Variants in HMGA2 observed in about 807,000 individuals in gnomAD.
The protein encoded by HMGA2 is high mobility group AT-hook 2, also known as high mobility group protein HMGI-C.
A neutral mutation model predicts 19.1 loss-of-function variants in HMGA2; 8 were observed. The observed-to-expected ratio is 0.42, with a 90% confidence interval of 0.25 to 0.76. HMGA2 has a LOEUF of 0.76. Among genes scored for constraint, HMGA2 ranks in the 30% least tolerant of loss-of-function variants. HMGA2 has a pLI of 0.28. For missense variants in HMGA2, 109 were observed against 136.3 expected (o/e 0.80, Z 1.00); for synonymous variants, 60 against 48.8 (o/e 1.23, Z -0.96).
intron 3 of HMGA2, among the ~76,000 whole-genome samples, chr12:65,931,551 T>TTGTG (rs60877869): frequency 0.15 from 20,944 of 144,010 alleles, 1,377 homozygotes; most frequent in South Asian, 0.21. Context: ...TTATAGATGT[T>TTGTG]TGTGTGTGTG....
At chr12:65,901,069 C>A (rs910461760) in intron 3 of HMGA2, among the ~76,000 whole-genome samples, 1 of 152,128 alleles carries the variant, frequency 6.6e-6, no homozygotes, top group Non-Finnish European at 1.5e-5. Context: ...CCATTTCTTT[C>A]CAGCTCTGTG....
intron 2 of HMGA2, chr12:65,828,397 CAATT>C (rs949495993): frequency 3.5e-5 from 12 of 343,548 alleles, no homozygotes; most frequent in Non-Finnish European, 6.1e-5. Flanking sequence ...GAAAATGACA[CAATT>C]AATATTTGCA....
chr12:65,846,958 C>T (rs1044320195), intron 3 of HMGA2, among the ~76,000 whole-genome samples: 1 of 152,084 alleles, frequency 6.6e-6, no homozygotes, highest in Non-Finnish European at 1.5e-5. Flanking sequence ...ATTTTGAGCT[C>T]TTTAGAATTT....
At chr12:65,868,447 C>T (rs1565714535) in intron 3 of HMGA2, among the ~76,000 whole-genome samples, 1 of 152,052 alleles carries the variant, frequency 6.6e-6, no homozygotes, top group African/African-American at 2.4e-5. Flanking sequence ...ATGCAGTCCA[C>T]TACGATCGTG....
chr12:65,954,824 A>G (rs1876560073), intron 4 of HMGA2: 2 of 152,198 alleles, frequency 1.3e-5, no homozygotes, highest in South Asian at 4.1e-4. Context: ...TAAAATTCCA[A>G]AACCAATGAA....
chr12:65,831,950 G>A (rs1057038670), intron 2 of HMGA2, among the ~76,000 whole-genome samples: 15 of 151,832 alleles, frequency 9.9e-5, no homozygotes, highest in Admixed American at 6.6e-4. Flanking sequence ...TCTGGCCTAT[G>A]GTTTCTAAAT....
At chr12:65,914,934 C>T (rs1386788296) in intron 3 of HMGA2, 1 of 1,376,878 alleles carries the variant, frequency 7.3e-7, no homozygotes, top group Non-Finnish European at 1.0e-6. Flanking sequence ...CTTGGCCTCT[C>T]AAAGTGCTGG....
chr12:65,865,729 G>A (rs1872368145), intron 3 of HMGA2, among the ~76,000 whole-genome samples: 1 of 149,704 alleles, frequency 6.7e-6, no homozygotes, highest in Non-Finnish European at 1.5e-5. Context: ...CCGTCTCCCA[G>A]GTTCACACCA....
At chr12:65,940,452 T>G (rs536601864) in intron 3 of HMGA2, among the ~76,000 whole-genome samples, 2 of 152,342 alleles carry the variant, frequency 1.3e-5, no homozygotes, top group East Asian at 1.9e-4. Flanking sequence ...TGAACTAAGA[T>G]CTTTTAAATT....
At chr12:65,931,551 T>TTG (rs60877869) in intron 3 of HMGA2, among the ~76,000 whole-genome samples, 11,719 of 144,122 alleles carry the variant, frequency 0.081, 521 homozygotes, top group African/African-American at 0.15. Flanking sequence ...TTATAGATGT[T>TTG]TGTGTGTGTG....
chr12:65,837,366 GT>G (rs1302872398), intron 2 of HMGA2, among the ~76,000 whole-genome samples: 1 of 152,216 alleles, frequency 6.6e-6, no homozygotes, highest in East Asian at 1.9e-4. Flanking sequence ...AAAGCTATTT[GT>G]TTTTACCAGG....
At chr12:65,902,855 T>C (rs1874429226) in intron 3 of HMGA2, among the ~76,000 whole-genome samples, 1 of 152,166 alleles carries the variant, frequency 6.6e-6, no homozygotes, top group East Asian at 1.9e-4. Context: ...CTCACTCTCC[T>C]CTTGTCCCAT....
chr12:65,960,425 T>C (rs1455937219), intron 4 of HMGA2, among the ~76,000 whole-genome samples: 1 of 152,218 alleles, frequency 6.6e-6, no homozygotes, highest in Non-Finnish European at 1.5e-5. Flanking sequence ...GGGAGGATTT[T>C]TCTTCTCTTC....
chr12:65,841,381 C>G (rs975344967), intron 3 of HMGA2, among the ~76,000 whole-genome samples: 2 of 152,062 alleles, frequency 1.3e-5, no homozygotes, highest in African/African-American at 2.4e-5. Flanking sequence ...GATTTGGTCC[C>G]CAAAGAAGAG....
At chr12:65,920,453 A>G (rs918915829) in intron 3 of HMGA2, among the ~76,000 whole-genome samples, 1 of 152,208 alleles carries the variant, frequency 6.6e-6, no homozygotes, top group African/African-American at 2.4e-5. Context: ...TTTAGGTGCA[A>G]TTCTCCTATT....
intron 2 of HMGA2, among the ~76,000 whole-genome samples, chr12:65,838,140 AAT>A (rs1392845815): frequency 1.3e-5 from 2 of 152,176 alleles, no homozygotes; most frequent in Admixed American, 6.5e-5. Context: ...CATCTTAAGA[AAT>A]ATTAATTTTC....
chr12:65,899,910 TAC>T (rs1874300386), intron 3 of HMGA2, among the ~76,000 whole-genome samples: 1 of 152,216 alleles, frequency 6.6e-6, no homozygotes, highest in Non-Finnish European at 1.5e-5. Flanking sequence ...GGGGTTTTTC[TAC>T]TATTCAAGTT....
At chr12:65,838,431 A>G (rs1242274715) in intron 2 of HMGA2, 88 bp from the exon 3 acceptor site, 4 of 1,006,208 alleles carry the variant, frequency 4.0e-6, no homozygotes, top group Non-Finnish European at 6.1e-6. Flanking sequence ...GCAAAGCAGA[A>G]CATTCTTACT....
rs1340000117 is a variant in HMGA2 at position 65,915,461 on chromosome 12, C to G, written c.250-35922C>G. ...CAGTTACTCTCGTACAGGGATCCAC[C>G]TTTTTGCAGAAATCACAGTGTGGCT... On this transcript the variant is annotated intron_variant, in intron 3 of 4. Coordinates refer to ENST00000403681, the MANE Select transcript of HMGA2 (RefSeq NM_003483.6). 14 of 1,239,036 alleles carry G rather than the reference C, an allele frequency of 1.1e-5. No homozygotes were observed. In the South Asian group the frequency reaches 2.5e-4, roughly 22 times the overall value. 76.8% of individuals were successfully genotyped at this position (1,239,036 alleles called of 1,614,324 possible).
Sources: gnomAD v4.1 joint callset for allele counts (sites outside exome capture counted in the v4.1 genomes callset) on GRCh38, gnomAD v4.1.1 for gene constraint, MANE v1.5 for transcripts, NCBI Gene and HGNC (gene_info 2026-07-23, HGNC 2026-07-21) for gene names.